C1orf21: variants seen among roughly 807,000 people sequenced by gnomAD.
C1orf21 encodes the protein uncharacterized protein C1orf21.
C1orf21 carries 3 observed loss-of-function variants against 18.7 expected under a neutral mutation model. The ratio of observed to expected loss-of-function variants is 0.16; its 90% CI spans 0.07 to 0.42. The LOEUF (loss-of-function observed/expected upper bound fraction) is 0.42. Among genes scored for constraint, C1orf21 ranks in the 10% least tolerant of loss-of-function variants. The probability of loss-of-function intolerance (pLI) is 0.99; values close to 1 mark genes in which losing one functional copy is unlikely to be tolerated. For synonymous variants in C1orf21, 41 were observed against 46.4 expected (o/e 0.88, Z 0.47); for missense variants, 104 against 143.6 (o/e 0.72, Z 1.41).
intron 3 of C1orf21, among the ~76,000 whole-genome samples, chr1:184,590,229 T>C (rs1659418347): frequency 6.6e-6 from 1 of 152,226 alleles, no homozygotes; most frequent in Admixed American, 6.5e-5. Flanking sequence ...CAGGCTAGGA[T>C]TGAATTGTAG....
chr1:184,578,964 G>C (rs1659233451), intron 3 of C1orf21, among the ~76,000 whole-genome samples: 1 of 147,072 alleles, frequency 6.8e-6, no homozygotes, highest in Admixed American at 6.8e-5. Flanking sequence ...GAAGAACTGA[G>C]GACCTGGCAT....
chr1:184,567,018 C>A, intron 3 of C1orf21: 1 of 518,576 alleles, frequency 1.9e-6, no homozygotes. Flanking sequence ...AACCTGGGAA[C>A]TTGAAGAGAC....
intron 1 of C1orf21, among the ~76,000 whole-genome samples, chr1:184,451,034 C>T (rs1478644216): frequency 1.3e-5 from 2 of 152,256 alleles, no homozygotes; most frequent in South Asian, 2.1e-4. Flanking sequence ...CATGCCATCA[C>T]GCCCAGCTAA....
intron 5 of C1orf21, among the ~76,000 whole-genome samples, chr1:184,603,629 T>C (rs1659613137): frequency 1.3e-5 from 2 of 152,094 alleles, no homozygotes; most frequent in Admixed American, 1.3e-4. Context: ...ACCCTGTCTA[T>C]ACTAAAAATA....
At chr1:184,540,379 G>A (rs1658628689) in intron 3 of C1orf21, among the ~76,000 whole-genome samples, 1 of 151,682 alleles carries the variant, frequency 6.6e-6, no homozygotes, top group South Asian at 2.1e-4. Flanking sequence ...ACAGACTTAT[G>A]ATACATCTTT....
chr1:184,490,291 T>C (rs1410375843), intron 2 of C1orf21, among the ~76,000 whole-genome samples: 1 of 152,230 alleles, frequency 6.6e-6, no homozygotes, highest in African/African-American at 2.4e-5. Flanking sequence ...AAAGATGCAA[T>C]AGATGGACAT....
chr1:184,564,374 T>C (rs1353509669), intron 3 of C1orf21, among the ~76,000 whole-genome samples: 1 of 152,202 alleles, frequency 6.6e-6, no homozygotes. Context: ...AATGGCGTGA[T>C]CTCAGCTCAC....
At chr1:184,549,320 T>C (rs542204498) in intron 3 of C1orf21, among the ~76,000 whole-genome samples, 1 of 152,362 alleles carries the variant, frequency 6.6e-6, no homozygotes, top group South Asian at 2.1e-4. Flanking sequence ...TGTGACGCCT[T>C]CTTTAAAGTA....
rs74787826 is a variant in C1orf21, at chr1:184,453,057, G to A, written c.-124-24329G>A. 2.5e-3 allele frequency among the ~76,000 whole-genome samples: 375 copies of A among 152,242 alleles called. 3 individuals carry two copies. Among genetic ancestry groups the A allele is most frequent in the African/African-American group, 8.8e-3 (364 of 41,550 alleles). The stretch of plus-strand genomic sequence containing the variant: ...ACATTTCCCTCCTAAACAGTAAACT[G>A]ACCAGATCTTTCTAGGAAGACCTTC... On this transcript the variant is annotated intron_variant, in intron 1 of 5. Coordinates refer to ENST00000235307, the MANE Select transcript of C1orf21 (RefSeq NM_030806.4).
intron 2 of C1orf21, among the ~76,000 whole-genome samples, chr1:184,490,811 C>T (rs1004985533): frequency 6.6e-6 from 1 of 151,572 alleles, no homozygotes; most frequent in African/African-American, 2.4e-5. Flanking sequence ...TAGATGAGAC[C>T]GTTTACCAGG....
intron 3 of C1orf21, among the ~76,000 whole-genome samples, chr1:184,569,044 G>A (rs528076226): frequency 6.6e-6 from 1 of 152,360 alleles, no homozygotes; most frequent in African/African-American, 2.4e-5. Context: ...GTAGTAAGAA[G>A]AGACAGATAT....
intron 1 of C1orf21, among the ~76,000 whole-genome samples, chr1:184,423,021 T>C (rs1656570883): frequency 6.6e-6 from 1 of 152,232 alleles, no homozygotes; most frequent in Non-Finnish European, 1.5e-5. Flanking sequence ...TTATGTCTTG[T>C]GTAAACTATT....
chr1:184,447,820 A>G (rs180936129), intron 1 of C1orf21, among the ~76,000 whole-genome samples: 2 of 152,230 alleles, frequency 1.3e-5, no homozygotes, highest in Non-Finnish European at 2.9e-5. Context: ...TGATGTCACT[A>G]ACAAAAAAAT....
chr1:184,434,959 T>C (rs1426171436), intron 1 of C1orf21, among the ~76,000 whole-genome samples: 2 of 152,342 alleles, frequency 1.3e-5, no homozygotes, highest in South Asian at 2.1e-4. Context: ...TTTAGAAAGA[T>C]CACTCTCCCT....
chr1:184,454,237 G>A (rs1378931470), intron 1 of C1orf21, among the ~76,000 whole-genome samples: 1 of 152,180 alleles, frequency 6.6e-6, no homozygotes, highest in African/African-American at 2.4e-5. Context: ...TGGTTGAGTA[G>A]AATAGGAACT....
At chr1:184,577,978 G>T (rs1659219279) in intron 3 of C1orf21, among the ~76,000 whole-genome samples, 1 of 122,838 alleles carries the variant, frequency 8.1e-6, no homozygotes. Flanking sequence ...TTTTGAGACA[G>T]AGTCTCACAC....
At chr1:184,446,980 T>G (rs547214678) in intron 1 of C1orf21, among the ~76,000 whole-genome samples, 1 of 152,020 alleles carries the variant, frequency 6.6e-6, no homozygotes, top group South Asian at 2.1e-4. Flanking sequence ...TATGTTGAAA[T>G]TTTCCATAAG....
intron 3 of C1orf21, among the ~76,000 whole-genome samples, chr1:184,513,940 G>C (rs1658187579): frequency 6.6e-6 from 1 of 152,200 alleles, no homozygotes; most frequent in East Asian, 1.9e-4. Context: ...CAGTGCAGAA[G>C]GTGAATGTGC....
At chr1:184,595,757 C>T (rs1005742878) in intron 4 of C1orf21, among the ~76,000 whole-genome samples, 5 of 152,186 alleles carry the variant, frequency 3.3e-5, no homozygotes, top group Admixed American at 2.0e-4. Context: ...TCTGGAGGAG[C>T]CTGTCTGGTG....
Sources: allele counts gnomAD v4.1 joint callset (sites outside exome capture counted in the v4.1 genomes callset), GRCh38; gene constraint gnomAD v4.1.1; transcripts MANE v1.5; gene names NCBI Gene and HGNC (gene_info 2026-07-23, HGNC 2026-07-21).